PSIP1: variants seen among roughly 807,000 people sequenced by gnomAD.
PSIP1 encodes the protein PC4 and SFRS1-interacting protein.
Under a neutral mutation model 74.7 loss-of-function variants are expected in PSIP1, and 19 were observed. The ratio of observed to expected loss-of-function variants is 0.25; its 90% CI spans 0.18 to 0.37. The LOEUF is 0.37. Among genes scored for constraint, PSIP1 ranks in the 10% least tolerant of loss-of-function variants. The pLI is 1.00. For synonymous variants in PSIP1, 222 were observed against 195.3 expected (o/e 1.14, Z -1.14); for missense variants, 601 against 614.3 (o/e 0.98, Z 0.23).
At chr9:15,487,576 T>C (rs1423432699) in intron 4 of PSIP1, among the ~76,000 whole-genome samples, 3 of 152,106 alleles carry the variant, frequency 2.0e-5, no homozygotes, top group Non-Finnish European at 4.4e-5. Flanking sequence ...CACTCCAACC[T>C]GGGCGACAGA....
chr9:15,472,218 T>C (rs2035867672), intron 10 of PSIP1: 1 of 988,742 alleles, frequency 1.0e-6, no homozygotes, highest in Admixed American at 6.1e-5. Context: ...TTTTGTTACT[T>C]TTGCTGGTCT....
intron 3 of PSIP1, 171 bp downstream of exon 3, chr9:15,506,390 C>A: frequency 2.1e-6 from 1 of 471,594 alleles, no homozygotes; most frequent in Non-Finnish European, 3.8e-6. Flanking sequence ...AAAAATAAAC[C>A]TATAGCATCT....
chr9:15,482,479 G>A (rs1205131125), intron 6 of PSIP1, among the ~76,000 whole-genome samples: 2 of 152,134 alleles, frequency 1.3e-5, no homozygotes, highest in East Asian at 1.9e-4. Flanking sequence ...AGTAAGGGCT[G>A]TAGAAAGGAA....
In PSIP1 at chr9:15,472,749, T is replaced by G. The variant is rs761389620; in HGVS notation, c.860A>C (p.Lys287Thr). 1.2e-6 allele frequency: 2 copies of G among 1,602,888 alleles called. No individual in the cohort carries two copies. Among genetic ancestry groups the G allele is most frequent in the South Asian group, 2.3e-5 (2 of 87,900 alleles). ...CTGAAAGTTCCTCCCACCTTTTCTC[T>G]TCTGTTTTGAGAATTAGGATGGTTT... ...EEGDDQEGEK[K>T]RKGGRNFQTA... Residue 287 changes from lysine (K) to threonine (T), a missense_variant and splice_region_variant, in exon 10 of 16, where the codon AAG becomes ACG. Lys to Thr is a moderately conservative substitution (Grantham distance 78, BLOSUM62 -1). Coordinates refer to ENST00000380733, the MANE Select transcript of PSIP1 (RefSeq NM_033222.5).
chr9:15,493,026 C>T (rs2036907977), intron 3 of PSIP1, among the ~76,000 whole-genome samples: 1 of 152,198 alleles, frequency 6.6e-6, no homozygotes, highest in South Asian at 2.1e-4. Context: ...ACTGGTATGC[C>T]TTGGAGGTGT....
chr9:15,466,724 G>C (rs906682604), intron 15 of PSIP1, 24 bp downstream of exon 15: 11 of 1,541,654 alleles, frequency 7.1e-6, no homozygotes, highest in Non-Finnish European at 9.8e-6. Flanking sequence ...AAACACACAA[G>C]ACCCATTAAA....
chr9:15,500,757 A>G (rs2037304824), intron 3 of PSIP1, among the ~76,000 whole-genome samples: 1 of 152,216 alleles, frequency 6.6e-6, no homozygotes, highest in Non-Finnish European at 1.5e-5. Context: ...ACTTCTTTGC[A>G]TTAAGACAAT....
chr9:15,496,949 TG>T (rs954506988), intron 3 of PSIP1, among the ~76,000 whole-genome samples: 10 of 152,134 alleles, frequency 6.6e-5, no homozygotes, highest in African/African-American at 2.4e-4. Context: ...GTGGAGAAAT[TG>T]GAACCCTCCT....
rs554539529 is a variant in PSIP1 at position 15,491,144 on chromosome 9, C to A, written c.150-1020G>T. Among the ~76,000 whole-genome samples, 21 of 152,304 alleles carry A rather than the reference C, an allele frequency of 1.4e-4. 1 individual carries two copies. In the East Asian group the frequency reaches 3.7e-3, roughly 27 times the overall value. On this transcript the variant is annotated intron_variant, in intron 3 of 15. Coordinates refer to ENST00000380733, the MANE Select transcript of PSIP1 (RefSeq NM_033222.5). ...AATACAGACTGCTAACTCATTAACA[C>A]TGAACTCATAGCCAACAGCGTATGT...
At chr9:15,476,703 G>A (rs1042142592) in intron 8 of PSIP1, among the ~76,000 whole-genome samples, 8 of 152,124 alleles carry the variant, frequency 5.3e-5, no homozygotes, top group African/African-American at 2.4e-5. Flanking sequence ...AAAAAGACGA[G>A]CATGTCTGAG....
At chr9:15,507,579 A>G (rs763449268) in intron 2 of PSIP1, among the ~76,000 whole-genome samples, 1 of 152,178 alleles carries the variant, frequency 6.6e-6, no homozygotes, top group Non-Finnish European at 1.5e-5. Context: ...CAGAGGTTGC[A>G]GTGAGCCGAG....
At chr9:15,477,562 T>G (rs1034134371) in intron 8 of PSIP1, among the ~76,000 whole-genome samples, 1 of 152,080 alleles carries the variant, frequency 6.6e-6, no homozygotes, top group Admixed American at 6.6e-5. Context: ...CATACCCCAC[T>G]TAAGCCTTTC....
chr9:15,482,979 C>T (rs2036401830), intron 6 of PSIP1, among the ~76,000 whole-genome samples: 1 of 152,100 alleles, frequency 6.6e-6, no homozygotes, highest in African/African-American at 2.4e-5. Flanking sequence ...TGGACATTCC[C>T]CCTTCCCTTG....
At chr9:15,502,342 G>C (rs1195749840) in intron 3 of PSIP1, among the ~76,000 whole-genome samples, 2 of 152,086 alleles carry the variant, frequency 1.3e-5, no homozygotes, top group Non-Finnish European at 2.9e-5. Context: ...TTTTCAATCT[G>C]TGACAGGATG....
In PSIP1 at chr9:15,478,326, A is replaced by C; in HGVS notation, c.629+151T>G. The C allele has an allele frequency of 4.8e-6, 3 of 626,136 alleles. No homozygotes were observed. The South Asian group carries it at 7.4e-5, about 15-fold the overall frequency. 38.8% of individuals were successfully genotyped at this position (626,136 alleles called of 1,614,324 possible). A position where few individuals can be genotyped will look rare whatever the true frequency, so the allele number is the denominator to read the frequency against. On this transcript the variant is annotated intron_variant, in intron 8 of 15. Coordinates refer to ENST00000380733, the MANE Select transcript of PSIP1 (RefSeq NM_033222.5). The stretch of plus-strand genomic sequence containing the variant: ...ATTCCTTACCAATTTTTACTTTACA[A>C]AATTTTCCCAGTTTTTCCTGTAATT...
intron 6 of PSIP1, among the ~76,000 whole-genome samples, chr9:15,483,171 A>T (rs950251164): frequency 6.6e-6 from 1 of 152,106 alleles, no homozygotes; most frequent in African/African-American, 2.4e-5. Context: ...CTGCATCTGT[A>T]ACTTACATCT....
At chr9:15,485,416 CCT>C (rs770405602) in intron 6 of PSIP1, among the ~76,000 whole-genome samples, 1 of 152,156 alleles carries the variant, frequency 6.6e-6, no homozygotes, top group Non-Finnish European at 1.5e-5. Flanking sequence ...TCATAGTTTA[CCT>C]CCTCATGAGA....
chr9:15,479,162 T>C (rs78452909), intron 7 of PSIP1, among the ~76,000 whole-genome samples: 6,106 of 152,242 alleles, frequency 0.04, 182 homozygotes, highest in Non-Finnish European at 0.065. Context: ...TACTTTTAAA[T>C]AGGCAATGCT....
At chr9:15,473,162 C>CTT (rs1292425083) in intron 9 of PSIP1, among the ~76,000 whole-genome samples, 6 of 152,276 alleles carry the variant, frequency 3.9e-5, no homozygotes, top group Admixed American at 3.3e-4. Context: ...CTGTAAATCT[C>CTT]TAAGGCTATA....
Sources: allele counts gnomAD v4.1 joint callset (sites outside exome capture counted in the v4.1 genomes callset), GRCh38; gene constraint gnomAD v4.1.1; transcripts MANE v1.5; gene names NCBI Gene and HGNC (gene_info 2026-07-23, HGNC 2026-07-21).